Variants in CACNA1E observed in about 807,000 individuals in gnomAD.
CACNA1E encodes calcium voltage-gated channel subunit alpha1 E.
Under a neutral mutation model 259.2 loss-of-function variants are expected in CACNA1E, and 40 were observed. That is an observed-to-expected ratio of 0.15 (90% confidence interval 0.12 to 0.20). The LOEUF is 0.20. Among genes scored for constraint, CACNA1E ranks in the 10% least tolerant of loss-of-function variants. The pLI is 1.00. For synonymous variants in CACNA1E, 1,104 were observed against 1,138.5 expected, an observed-to-expected ratio of 0.97 and a Z score of 0.61; for missense variants, 1,874 against 3,040.1, an observed-to-expected ratio of 0.62 and a Z score of 9.02.
At chr1:181,655,172 C>T (rs1659108259) in intron 7 of CACNA1E, among the ~76,000 whole-genome samples, 1 of 151,862 alleles carries the variant, frequency 6.6e-6, no homozygotes. Flanking sequence ...TTTTATTTTA[C>T]TTTAATGATA....
At chr1:181,647,646 A>G (rs1186167086) in intron 6 of CACNA1E, among the ~76,000 whole-genome samples, 1 of 152,156 alleles carries the variant, frequency 6.6e-6, no homozygotes, top group African/African-American at 2.4e-5. Context: ...CGCTTGAGTC[A>G]TTGTCTCTCC....
intron 1 of CACNA1E, among the ~76,000 whole-genome samples, chr1:181,343,931 A>G (rs1361937772): frequency 6.6e-6 from 1 of 152,126 alleles, no homozygotes; most frequent in Non-Finnish European, 1.5e-5. Flanking sequence ...GCTATATAAA[A>G]GGACAACAGG....
intron 3 of CACNA1E, among the ~76,000 whole-genome samples, chr1:181,566,887 G>T (rs529152231): frequency 6.6e-6 from 1 of 151,854 alleles, no homozygotes; most frequent in African/African-American, 2.4e-5. Context: ...TGGAGATGTT[G>T]TTGGTTGTCA....
At chr1:181,794,795 TTCTGTCCTTTTAGA>T in intron 45 of CACNA1E, 55 bp from the exon 46 acceptor site, 1 of 1,435,542 alleles carries the variant, frequency 7.0e-7, no homozygotes, top group Non-Finnish European at 9.5e-7. Flanking sequence ...GTCTTGCTGC[TTCTGTCCTTTTAGA>T]TCTTTTCAAT....
chr1:181,751,807 C>A (rs1480950966), intron 26 of CACNA1E, among the ~76,000 whole-genome samples: 1 of 152,144 alleles, frequency 6.6e-6, no homozygotes, highest in Non-Finnish European at 1.5e-5. Context: ...TAATCAGCAG[C>A]ATTAGACTGG....
At chr1:181,768,266 G>A (rs2102748514) in intron 35 of CACNA1E, among the ~76,000 whole-genome samples, 1 of 152,088 alleles carries the variant, frequency 6.6e-6, no homozygotes, top group South Asian at 2.1e-4. Flanking sequence ...AAATTCCTTG[G>A]TGTACAAGAC....
intron 43 of CACNA1E, among the ~76,000 whole-genome samples, chr1:181,786,315 A>C (rs1023593098): frequency 2.6e-5 from 4 of 152,186 alleles, no homozygotes; most frequent in African/African-American, 9.7e-5. Flanking sequence ...CTAGCAGCCT[A>C]CTATACCCTG....
At chr1:181,477,092 T>A in intron 2 of CACNA1E, among the ~76,000 whole-genome samples, 1 of 152,230 alleles carries the variant, frequency 6.6e-6, no homozygotes, top group South Asian at 2.1e-4. Flanking sequence ...CCTAGATACA[T>A]TGAAAGAAAA....
chr1:181,405,833 T>C (rs673671), intron 1 of CACNA1E, among the ~76,000 whole-genome samples: 2 of 152,052 alleles, frequency 1.3e-5, no homozygotes, highest in African/African-American at 4.8e-5. Flanking sequence ...TTCAAGTGCT[T>C]AGTCTTTTTC....
chr1:181,550,491 C>T (rs1648009730), intron 3 of CACNA1E, among the ~76,000 whole-genome samples: 4 of 151,932 alleles, frequency 2.6e-5, no homozygotes, highest in African/African-American at 9.7e-5. Context: ...TCCAAGAGGC[C>T]CTGAATCAAA....
intron 2 of CACNA1E, among the ~76,000 whole-genome samples, chr1:181,437,099 C>A (rs951393725): frequency 6.6e-6 from 1 of 152,194 alleles, no homozygotes; most frequent in African/African-American, 2.4e-5. Context: ...AGTGAGACTA[C>A]AGCAATTTCT....
At chr1:181,532,522 C>A (rs1395616286) in intron 3 of CACNA1E, among the ~76,000 whole-genome samples, 1 of 152,242 alleles carries the variant, frequency 6.6e-6, no homozygotes, top group East Asian at 1.9e-4. Flanking sequence ...GCACGTTGCA[C>A]CTGATCTTTC....
chr1:181,520,413 T>C lies in CACNA1E; in HGVS notation c.512+8903T>C, dbSNP rs1666909834. ...CTCCAGGACAGTGATATTATAAAGA[T>C]AAATGTTAAAATACACATAAAGCAC... is the stretch of plus-strand genomic sequence containing the variant. On this transcript the variant is annotated intron_variant, in intron 3 of 47. Transcript: ENST00000367573. Among the ~76,000 whole-genome samples the C allele has an allele frequency of 2.0e-5, 3 of 152,034 alleles. No homozygotes were observed. In the South Asian group the frequency reaches 6.2e-4, roughly 32 times the overall value.
intron 6 of CACNA1E, among the ~76,000 whole-genome samples, chr1:181,583,152 A>G (rs1350076827): frequency 1.3e-5 from 2 of 151,310 alleles, no homozygotes; most frequent in Non-Finnish European, 2.9e-5. Context: ...ACACTTATAC[A>G]CACTGGTTGC....
At chr1:181,364,165 T>G (rs1455778949) in intron 1 of CACNA1E, among the ~76,000 whole-genome samples, 1 of 152,148 alleles carries the variant, frequency 6.6e-6, no homozygotes, top group Non-Finnish European at 1.5e-5. Context: ...CTCCTTCAGG[T>G]TTTTGCTCAG....
chr1:181,603,084 A>G (rs1486995142), intron 6 of CACNA1E, among the ~76,000 whole-genome samples: 2 of 152,154 alleles, frequency 1.3e-5, no homozygotes, highest in Non-Finnish European at 2.9e-5. Flanking sequence ...ATCAGAGGTA[A>G]ATGAATCTTA....
At chr1:181,709,956 C>T (rs978779185) in intron 7 of CACNA1E, among the ~76,000 whole-genome samples, 2 of 152,174 alleles carry the variant, frequency 1.3e-5, no homozygotes, top group African/African-American at 4.8e-5. Flanking sequence ...TCTGGAGGAA[C>T]CTGTTAGCAA....
intron 21 of CACNA1E, among the ~76,000 whole-genome samples, chr1:181,736,057 G>T (rs1038135218): frequency 7.2e-5 from 11 of 152,130 alleles, no homozygotes; most frequent in Non-Finnish European, 1.2e-4. Context: ...GACATAAAAG[G>T]TTATTTCTCA....
At chr1:181,491,087 G>A (rs1288916363) in intron 1 of CACNA1E, among the ~76,000 whole-genome samples, 1 of 152,192 alleles carries the variant, frequency 6.6e-6, no homozygotes, top group African/African-American at 2.4e-5. Flanking sequence ...TCATGGGACT[G>A]GTCAGAGCCA....
Sources: allele counts gnomAD v4.1 joint callset (sites outside exome capture counted in the v4.1 genomes callset), GRCh38; gene constraint gnomAD v4.1.1; transcripts MANE v1.5; gene names NCBI Gene and HGNC (gene_info 2026-07-23, HGNC 2026-07-21).